The following EPM2A variants were observed in gnomAD, a reference collection of about 807,000 sequenced individuals.
EPM2A encodes EPM2A glucan phosphatase, laforin.
A neutral mutation model predicts 26.5 loss-of-function variants in EPM2A; 21 were observed. The observed-to-expected ratio is 0.79, with a 90% CI of 0.56 to 1.14. The LOEUF (loss-of-function observed/expected upper bound fraction) is 1.14. Among genes scored for constraint, EPM2A ranks in the 50% most tolerant of loss-of-function variants. The probability of loss-of-function intolerance (pLI) is 0.00; values close to 1 mark genes in which losing one functional copy is unlikely to be tolerated. For synonymous variants in EPM2A, 217 were observed against 177.6 expected (o/e 1.22, Z -1.76); for missense variants, 458 against 440.8 (o/e 1.04, Z -0.35).
At chr6:145,672,891 G>T (rs1254790662) in intron 2 of EPM2A, among the ~76,000 whole-genome samples, 1 of 152,046 alleles carries the variant, frequency 6.6e-6, no homozygotes, top group Non-Finnish European at 1.5e-5. Flanking sequence ...CACATCAGAG[G>T]TTTCCCATCT....
At chr6:145,596,029 T>A (rs180966270) in intron 2 of EPM2A, among the ~76,000 whole-genome samples, 2 of 152,182 alleles carry the variant, frequency 1.3e-5, no homozygotes, top group Non-Finnish European at 2.9e-5. Flanking sequence ...AGTAAAATCA[T>A]TGGAAATTTA....
intron 1 of EPM2A, among the ~76,000 whole-genome samples, chr6:145,687,858 T>G (rs1781032189): frequency 6.6e-6 from 1 of 152,160 alleles, no homozygotes; most frequent in South Asian, 2.1e-4. Context: ...TCTCGACGAC[T>G]ACAAGGTGCT....
intron 1 of EPM2A, among the ~76,000 whole-genome samples, chr6:145,723,564 A>G (rs1219611377): frequency 6.6e-6 from 1 of 152,172 alleles, no homozygotes; most frequent in Non-Finnish European, 1.5e-5. Context: ...TTTTAAAATC[A>G]GTAGAGATTT....
chr6:145,668,686 C>G (rs1475301945), intron 2 of EPM2A, among the ~76,000 whole-genome samples: 1 of 152,150 alleles, frequency 6.6e-6, no homozygotes, highest in Non-Finnish European at 1.5e-5. Flanking sequence ...GCAGTACCTC[C>G]ATGGCTTTCG....
chr6:145,650,131 AG>A (rs1013780039), intron 2 of EPM2A, among the ~76,000 whole-genome samples: 1 of 152,218 alleles, frequency 6.6e-6, no homozygotes, highest in African/African-American at 2.4e-5. Context: ...GCTGATGGGA[AG>A]GAACGGAAAG....
intron 4 of EPM2A, among the ~76,000 whole-genome samples, chr6:145,392,289 T>C (rs1233993557): frequency 1.3e-5 from 2 of 152,200 alleles, no homozygotes; most frequent in Non-Finnish European, 2.9e-5. Context: ...GAGTCTCCGA[T>C]GGCCTCCTCA....
chr6:145,621,978 C>A (rs1198479941), downstream of EPM2A, among the ~76,000 whole-genome samples: 1 of 151,996 alleles, frequency 6.6e-6, no homozygotes, highest in Admixed American at 6.6e-5. Flanking sequence ...GCTTTTGTTG[C>A]CTGTGCTTTC....
chr6:145,550,175 A>G (rs1419594424), intron 2 of EPM2A, among the ~76,000 whole-genome samples: 1 of 152,066 alleles, frequency 6.6e-6, no homozygotes, highest in African/African-American at 2.4e-5. Flanking sequence ...CTGAACTTAC[A>G]TCATTTGCCT....
intron 3 of EPM2A, chr6:145,630,138 A>G (rs1395826522): frequency 6.6e-6 from 1 of 152,198 alleles, no homozygotes; most frequent in African/African-American, 2.4e-5. Context: ...AGGTTCTGTG[A>G]TCTCAGGCAC....
chr6:145,420,394 T>C (rs1778766382), intron 4 of EPM2A, among the ~76,000 whole-genome samples: 1 of 152,168 alleles, frequency 6.6e-6, no homozygotes, highest in South Asian at 2.1e-4. Context: ...GCTGGCTGCA[T>C]CAATAATTTC....
chr6:145,625,820 C>T lies in EPM2A; in HGVS notation c.*1596G>A. 1 of 1,546,782 alleles carries T rather than the reference C, an allele frequency of 6.5e-7. No individual in the cohort carries two copies. The highest frequency in any genetic ancestry group is 8.8e-7 in the Non-Finnish European group (1 of 1,140,070). On this transcript the variant is annotated 3_prime_UTR_variant, in exon 4 of 4. Coordinates refer to ENST00000367519, the MANE Select transcript of EPM2A (RefSeq NM_005670.4). Reference sequence around the variant, plus strand: ...AAACTTACCTTGTATCCTTCTTGTCCCCCACGCCTTCTAAATAAGAGTCTC... The same window carrying T: ...AAACTTACCTTGTATCCTTCTTGTCTCCCACGCCTTCTAAATAAGAGTCTC...
intron 2 of EPM2A, among the ~76,000 whole-genome samples, chr6:145,562,891 T>G (rs1410808173): frequency 1.3e-5 from 2 of 151,366 alleles, no homozygotes; most frequent in Non-Finnish European, 2.9e-5. Flanking sequence ...GGCTGATTGG[T>G]AGAGAAGGCC....
At chr6:145,437,275 C>A (rs1189916130) in intron 4 of EPM2A, among the ~76,000 whole-genome samples, 1 of 152,078 alleles carries the variant, frequency 6.6e-6, no homozygotes, top group Non-Finnish European at 1.5e-5. Flanking sequence ...TCGCCTTCTC[C>A]CATGATTGTA....
intron 2 of EPM2A, among the ~76,000 whole-genome samples, chr6:145,540,431 C>T (rs890611975): frequency 1.3e-5 from 2 of 152,156 alleles, no homozygotes; most frequent in South Asian, 2.1e-4. Flanking sequence ...TTTGCTTCCC[C>T]TCAGCACTAC....
At position 145,686,306 on chromosome 6, in the gene EPM2A, G is replaced by GA. The variant is rs2128614485; in HGVS notation, c.302-11dup. 3.7e-6 allele frequency: 6 copies of GA among 1,610,474 alleles called. No homozygotes were observed. Among genetic ancestry groups the GA allele is most frequent in the Admixed American group, 1.7e-5 (1 of 59,892 alleles). ...TGATGAGGTCCATTGCCTAGAACAA[G>GA]AAAAAATGATAAACAGAGCAATTAA... On this transcript the variant is annotated splice_polypyrimidine_tract_variant and intron_variant, in intron 1 of 3. Transcript: ENST00000367519.
intron 4 of EPM2A, among the ~76,000 whole-genome samples, chr6:145,417,135 C>A (rs563400998): frequency 1.3e-5 from 2 of 152,224 alleles, no homozygotes; most frequent in Admixed American, 6.5e-5. Flanking sequence ...TGCAGCTCAG[C>A]GATTAGATAA....
intron 2 of EPM2A, among the ~76,000 whole-genome samples, chr6:145,526,279 T>C (rs1780272142): frequency 1.3e-5 from 2 of 152,020 alleles, no homozygotes; most frequent in South Asian, 4.1e-4. Flanking sequence ...CAGGTTTGAG[T>C]ATCAGAGTGA....
rs140705040 is a variant in EPM2A, at chr6:145,395,808, G to A, written c.556-11711C>T. 7.6e-3 allele frequency among the ~76,000 whole-genome samples: 1,154 copies of A among 152,230 alleles called. 13 individuals are homozygous for A. The highest frequency in any genetic ancestry group is 0.025 in the African/African-American group (1,058 of 41,546). ...ACTCAATCTGAATTTTATCTGGTAC[G>A]CTGATGAGTCTTTTATCAGAGATTC... is the stretch of plus-strand genomic sequence containing the variant. On this transcript the variant is annotated intron_variant, in intron 4 of 4. Transcript: ENST00000638717.
At chr6:145,431,345 G>C (rs1221054608) in intron 4 of EPM2A, among the ~76,000 whole-genome samples, 2 of 152,026 alleles carry the variant, frequency 1.3e-5, no homozygotes, top group Admixed American at 1.3e-4. Context: ...TCCAAAGCCT[G>C]GTACATCAGA....
Sources: allele counts gnomAD v4.1 joint callset (sites outside exome capture counted in the v4.1 genomes callset), GRCh38; gene constraint gnomAD v4.1.1; transcripts MANE v1.5; gene names NCBI Gene and HGNC (gene_info 2026-07-23, HGNC 2026-07-21).